The following DPH6 variants were observed in gnomAD, a reference collection of about 807,000 sequenced individuals.
DPH6 encodes diphthine--ammonia ligase.
A neutral mutation model predicts 38.2 loss-of-function variants in DPH6; 33 were observed. The observed-to-expected ratio is 0.86, with a 90% CI of 0.65 to 1.15. The LOEUF (loss-of-function observed/expected upper bound fraction) is 1.15. DPH6 is among the 50% of genes most tolerant of loss of function. DPH6 has a pLI of 0.00. For synonymous variants in DPH6, 108 were observed against 103.0 expected, an observed-to-expected ratio of 1.05 and a Z score of -0.30; for missense variants, 325 against 320.0, an observed-to-expected ratio of 1.02 and a Z score of -0.12.
At chr15:35,341,153 G>C (rs561513351) in intron 3 of DPH6, among the ~76,000 whole-genome samples, 8 of 151,910 alleles carry the variant, frequency 5.3e-5, no homozygotes, top group Non-Finnish European at 1.2e-4. Flanking sequence ...TCTTTCCTCC[G>C]CTCAGTCTAT....
intron 5 of DPH6, among the ~76,000 whole-genome samples, chr15:35,411,548 A>G (rs1180534434): frequency 6.6e-6 from 1 of 151,724 alleles, no homozygotes; most frequent in Admixed American, 6.6e-5. Context: ...CTGACATAAC[A>G]GTAGAGTTTA....
At chr15:35,339,148 G>A (rs1401846354) in intron 3 of DPH6, among the ~76,000 whole-genome samples, 4 of 151,820 alleles carry the variant, frequency 2.6e-5, no homozygotes, top group East Asian at 1.9e-4. Flanking sequence ...AAACCTGCAC[G>A]TTGTGCATAT....
intron 3 of DPH6, among the ~76,000 whole-genome samples, chr15:35,342,506 A>C (rs2052429760): frequency 1.3e-5 from 2 of 152,144 alleles, no homozygotes; most frequent in African/African-American, 4.8e-5. Flanking sequence ...TTTCTTAGTC[A>C]GTCCCAATGC....
the DPH6 span, among the ~76,000 whole-genome samples, chr15:35,195,686 A>G: frequency 6.6e-6 from 1 of 152,184 alleles, no homozygotes; most frequent in African/African-American, 2.4e-5. Flanking sequence ...CAGGTTGGTA[A>G]AAGTGCCCTG....
intron 3 of DPH6, among the ~76,000 whole-genome samples, chr15:35,255,302 T>C (rs1175902086): frequency 1.3e-5 from 2 of 152,186 alleles, no homozygotes; most frequent in African/African-American, 4.8e-5. Flanking sequence ...TCCCCTCAAA[T>C]AGACCTGCTG....
downstream of DPH6, among the ~76,000 whole-genome samples, chr15:35,326,511 A>G (rs1311168535): frequency 6.6e-6 from 1 of 152,060 alleles, no homozygotes; most frequent in Non-Finnish European, 1.5e-5. Context: ...GATTTACTGC[A>G]GCCTCAACCT....
At chr15:35,506,544 C>T (rs1213936236) in intron 3 of DPH6, among the ~76,000 whole-genome samples, 1 of 152,130 alleles carries the variant, frequency 6.6e-6, no homozygotes, top group Non-Finnish European at 1.5e-5. Context: ...ACTTCTACAG[C>T]CCACGCTAGG....
intron 3 of DPH6, among the ~76,000 whole-genome samples, chr15:35,273,828 C>A (rs189443173): frequency 6.6e-6 from 1 of 152,266 alleles, no homozygotes; most frequent in African/African-American, 2.4e-5. Flanking sequence ...GGCCTTACTG[C>A]CTAAAGTAAT....
intron 3 of DPH6, among the ~76,000 whole-genome samples, chr15:35,361,810 C>T (rs952831412): frequency 1.5e-4 from 22 of 151,700 alleles, no homozygotes; most frequent in African/African-American, 5.3e-4. Context: ...TTGGTTTTCT[C>T]ATTTTGTTTA....
intron 3 of DPH6, among the ~76,000 whole-genome samples, chr15:35,261,355 T>C (rs192701098): frequency 3.4e-4 from 52 of 152,354 alleles, no homozygotes; most frequent in African/African-American, 1.2e-3. Flanking sequence ...TTTTTGTTTT[T>C]GTTATTGTTA....
intron 3 of DPH6, among the ~76,000 whole-genome samples, chr15:35,482,918 C>T (rs1036714977): frequency 1.3e-5 from 2 of 151,554 alleles, no homozygotes; most frequent in Non-Finnish European, 2.9e-5. Flanking sequence ...AAACAGTTTG[C>T]AAATCATACA....
intron 3 of DPH6, among the ~76,000 whole-genome samples, chr15:35,225,263 G>A (rs1390593609): frequency 3.3e-5 from 5 of 152,052 alleles, no homozygotes; most frequent in Non-Finnish European, 4.4e-5. Context: ...CCTATAATGG[G>A]GTATGTGCAA....
chr15:35,441,419 A>G (rs796669582), intron 5 of DPH6, among the ~76,000 whole-genome samples: 4 of 152,258 alleles, frequency 2.6e-5, no homozygotes, highest in South Asian at 4.1e-4. Context: ...CCTAATGTCC[A>G]TCAAAGATAG....
chr15:35,360,369 G>A (rs1383777689), intron 3 of DPH6, among the ~76,000 whole-genome samples: 1 of 152,182 alleles, frequency 6.6e-6, no homozygotes, highest in Non-Finnish European at 1.5e-5. Flanking sequence ...GGTCAAGCAA[G>A]GTTGGAGGTG....
chr15:35,159,259 G>A, the DPH6 span, among the ~76,000 whole-genome samples: 3 of 152,022 alleles, frequency 2.0e-5, no homozygotes, highest in African/African-American at 7.2e-5. Context: ...CGGGAACCAT[G>A]TTCCCATGTA....
chr15:35,153,196 A>G, the DPH6 span, among the ~76,000 whole-genome samples: 2 of 152,226 alleles, frequency 1.3e-5, no homozygotes, highest in Admixed American at 6.5e-5. Context: ...TACAAAAAAG[A>G]GGTGAGCAGT....
chr15:35,526,978 A>G (rs543693545), intron 3 of DPH6, among the ~76,000 whole-genome samples: 1 of 152,310 alleles, frequency 6.6e-6, no homozygotes, highest in East Asian at 1.9e-4. Context: ...AGGATGGCCC[A>G]AAATTATAGG....
chr15:35,227,346 G>T (rs1233665508), intron 3 of DPH6, among the ~76,000 whole-genome samples: 1 of 151,538 alleles, frequency 6.6e-6, no homozygotes, highest in African/African-American at 2.4e-5. Flanking sequence ...ACCACACCCG[G>T]CTAATTTTTT....
chr15:35,395,534 C>G (rs940944090), intron 6 of DPH6, among the ~76,000 whole-genome samples: 31 of 152,190 alleles, frequency 2.0e-4, no homozygotes, highest in African/African-American at 7.2e-4. Context: ...CTCTTAGTTT[C>G]ATTTAGACCA....
Sources: allele counts gnomAD v4.1 joint callset (sites outside exome capture counted in the v4.1 genomes callset), GRCh38; gene constraint gnomAD v4.1.1; transcripts MANE v1.5; gene names NCBI Gene and HGNC (gene_info 2026-07-23, HGNC 2026-07-21).